Variants in SOS2 observed in about 807,000 individuals in gnomAD.
SOS2 encodes son of sevenless homolog 2.
SOS2 carries 65 observed loss-of-function variants against 148.2 expected under a neutral mutation model. That is an observed-to-expected ratio of 0.44 (90% CI 0.36 to 0.54). The LOEUF (loss-of-function observed/expected upper bound fraction) is 0.54, where lower values mean the gene tolerates loss of function less well. Ranked by LOEUF, SOS2 falls within the 20% of genes least tolerant of loss-of-function variation. The pLI, the probability that SOS2 is intolerant of heterozygous loss-of-function variation, is 0.00. For missense variants in SOS2, 1,341 were observed against 1,590.2 expected (o/e 0.84, Z 2.67); for synonymous variants, 539 against 537.1 (o/e 1.00, Z -0.05).
chr14:50,231,164 C>T (rs780341059), intron 1 of SOS2, 33 bp downstream of exon 1: 57 of 1,309,652 alleles, frequency 4.4e-5, no homozygotes, highest in Non-Finnish European at 5.1e-5. Flanking sequence ...GGGCCACGGG[C>T]CACCCGCCGG....
chr14:50,183,008 ATATAT>A (rs1885792119), intron 5 of SOS2, among the ~76,000 whole-genome samples: 1 of 152,256 alleles, frequency 6.6e-6, no homozygotes, highest in South Asian at 2.1e-4. Context: ...TGAACAATTC[ATATAT>A]TATATAAAGC....
chr14:50,119,641 T>C (rs1315750272), intron 22 of SOS2, among the ~76,000 whole-genome samples: 1 of 151,914 alleles, frequency 6.6e-6, no homozygotes, highest in East Asian at 1.9e-4. Context: ...GTTCAAGTGA[T>C]TCTCCTGCCT....
chr14:50,130,176 T>C (rs914388507), intron 20 of SOS2, among the ~76,000 whole-genome samples, 174 bp from the exon 21 acceptor site: 1 of 152,234 alleles, frequency 6.6e-6, no homozygotes, highest in African/African-American at 2.4e-5. Context: ...TGGTTTTCCT[T>C]CTTAGCATTA....
chr14:50,166,978 C>A (rs1885188233), intron 8 of SOS2, among the ~76,000 whole-genome samples: 2 of 152,032 alleles, frequency 1.3e-5, no homozygotes, highest in African/African-American at 4.8e-5. Context: ...AAGGTCAAGG[C>A]AGGAGGATCA....
chr14:50,195,821 G>A (rs1307413615), intron 4 of SOS2, among the ~76,000 whole-genome samples: 1 of 152,022 alleles, frequency 6.6e-6, no homozygotes, highest in East Asian at 1.9e-4. Flanking sequence ...ACAAGGTCAG[G>A]AGTTCGAGAC....
chr14:50,208,526 T>C (rs1334655163), intron 1 of SOS2, among the ~76,000 whole-genome samples: 1 of 151,978 alleles, frequency 6.6e-6, no homozygotes, highest in Non-Finnish European at 1.5e-5. Context: ...CAGGTGCCTG[T>C]AGTCCCAGCT....
At chr14:50,190,240 G>A (rs1886084944) in intron 4 of SOS2, among the ~76,000 whole-genome samples, 1 of 151,942 alleles carries the variant, frequency 6.6e-6, no homozygotes, top group Non-Finnish European at 1.5e-5. Context: ...TGACCGAAAC[G>A]TACCCAGAGA....
intron 1 of SOS2, among the ~76,000 whole-genome samples, chr14:50,218,381 G>T (rs137981926): frequency 0.011 from 1,741 of 151,848 alleles, 35 homozygotes; most frequent in African/African-American, 0.04. Context: ...AAATTAGCAG[G>T]GCATGATGGT....
intron 21 of SOS2, 122 bp downstream of exon 21, chr14:50,129,839 T>G: frequency 1.6e-6 from 1 of 608,502 alleles, no homozygotes; most frequent in South Asian, 2.2e-5. Flanking sequence ...AGCAAATAAT[T>G]AAATTTATTT....
intron 4 of SOS2, among the ~76,000 whole-genome samples, chr14:50,192,985 T>C (rs1176131291): frequency 1.3e-5 from 2 of 152,168 alleles, no homozygotes; most frequent in Non-Finnish European, 2.9e-5. Flanking sequence ...TTGTGCCCTC[T>C]TATTCTCTCA....
At chr14:50,224,305 A>AAAC (rs1887291309) in intron 1 of SOS2, among the ~76,000 whole-genome samples, 1 of 53,908 alleles carries the variant, frequency 1.9e-5, no homozygotes, top group Non-Finnish European at 3.2e-5. Context: ...AAAAAAAAAA[A>AAAC]TATATATATA....
intron 1 of SOS2, among the ~76,000 whole-genome samples, chr14:50,229,881 A>C (rs946971866): frequency 6.6e-6 from 1 of 152,148 alleles, no homozygotes; most frequent in Non-Finnish European, 1.5e-5. Flanking sequence ...CTTTGCTTTT[A>C]ATTCAGGCCA....
At chr14:50,172,419 C>CTTT (rs768766517) in intron 8 of SOS2, among the ~76,000 whole-genome samples, 6 of 82,762 alleles carry the variant, frequency 7.2e-5, no homozygotes, top group African/African-American at 1.5e-4. Context: ...TTATTCATTC[C>CTTT]TTTTTTTTTT....
At chr14:50,137,903 G>GCT in intron 18 of SOS2, among the ~76,000 whole-genome samples, 2 of 151,742 alleles carry the variant, frequency 1.3e-5, no homozygotes, top group Admixed American at 1.3e-4. Flanking sequence ...GCAGTGGCAT[G>GCT]ATCTCGGCTC....
chr14:50,123,872 A>G (rs1428454865), intron 21 of SOS2, among the ~76,000 whole-genome samples: 4 of 152,154 alleles, frequency 2.6e-5, no homozygotes, highest in African/African-American at 9.7e-5. Context: ...AAAAATTGTT[A>G]GATTCTGGAT....
chr14:50,127,844 A>C (rs1883732868), intron 21 of SOS2, among the ~76,000 whole-genome samples: 2 of 152,234 alleles, frequency 1.3e-5, no homozygotes, highest in African/African-American at 2.4e-5. Flanking sequence ...CTGAGTAAGT[A>C]AATGAATGGT....
intron 21 of SOS2, among the ~76,000 whole-genome samples, chr14:50,124,615 A>G (rs1883628575): frequency 6.6e-6 from 1 of 152,200 alleles, no homozygotes; most frequent in Non-Finnish European, 1.5e-5. Flanking sequence ...CTTTTACCAT[A>G]GGCTTGCTCG....
intron 8 of SOS2, among the ~76,000 whole-genome samples, chr14:50,166,923 C>CT (rs1356588250): frequency 6.6e-6 from 1 of 152,032 alleles, no homozygotes; most frequent in Non-Finnish European, 1.5e-5. Context: ...AAACCTATGA[C>CT]TAGGCTGGGC....
At chr14:50,185,920 A>G (rs1170406426) in intron 5 of SOS2, among the ~76,000 whole-genome samples, 1 of 152,188 alleles carries the variant, frequency 6.6e-6, no homozygotes, top group Non-Finnish European at 1.5e-5. Flanking sequence ...ACAGAGGCAT[A>G]GAGCAGTTAA....
Sources: allele counts gnomAD v4.1 joint callset (sites outside exome capture counted in the v4.1 genomes callset), GRCh38; gene constraint gnomAD v4.1.1; transcripts MANE v1.5; gene names NCBI Gene and HGNC (gene_info 2026-07-23, HGNC 2026-07-21).